Variants in LSAMP observed in about 807,000 individuals in gnomAD.
LSAMP encodes limbic system associated membrane protein, also known as limbic system-associated membrane protein.
Under a neutral mutation model 38.6 loss-of-function variants are expected in LSAMP, and 7 were observed. The ratio of observed to expected loss-of-function variants is 0.18; its 90% CI spans 0.10 to 0.34. The LOEUF (loss-of-function observed/expected upper bound fraction) is 0.34, where lower values mean the gene tolerates loss of function less well. LSAMP is among the 10% of genes least tolerant of loss of function. LSAMP has a pLI of 1.00. For missense variants in LSAMP, 313 were observed against 420.0 expected (o/e 0.75, Z 2.23); for synonymous variants, 154 against 166.8 (o/e 0.92, Z 0.59).
At chr3:116,312,908 G>T (rs2047576803) in intron 1 of LSAMP, among the ~76,000 whole-genome samples, 1 of 152,038 alleles carries the variant, frequency 6.6e-6, no homozygotes, top group Non-Finnish European at 1.5e-5. Context: ...CAAAATGCAT[G>T]CATTCCACTC....
chr3:116,147,477 T>C (rs1198088475), intron 1 of LSAMP, among the ~76,000 whole-genome samples: 1 of 151,982 alleles, frequency 6.6e-6, no homozygotes, highest in East Asian at 1.9e-4. Flanking sequence ...GTCAAGAAAG[T>C]ATAAGTTTAA....
At chr3:115,881,257 C>T (rs1576180362) in intron 3 of LSAMP, among the ~76,000 whole-genome samples, 1 of 152,030 alleles carries the variant, frequency 6.6e-6, no homozygotes, top group Admixed American at 6.6e-5. Context: ...ATAACCATTG[C>T]TCTTTGCCAG....
At chr3:116,019,734 A>C (rs1477843335) in intron 2 of LSAMP, 94 bp from the exon 3 acceptor site, 5 of 1,348,086 alleles carry the variant, frequency 3.7e-6, no homozygotes, top group Non-Finnish European at 5.2e-6. Context: ...AGGTTTTATA[A>C]CTTAATTTGA....
intron 3 of LSAMP, among the ~76,000 whole-genome samples, chr3:115,999,966 T>C (rs1289250536): frequency 6.6e-6 from 1 of 152,098 alleles, no homozygotes; most frequent in Non-Finnish European, 1.5e-5. Flanking sequence ...CAACTCAAAC[T>C]GGGCAGTGAT....
At chr3:115,812,709 T>C (rs916779466) in intron 6 of LSAMP, among the ~76,000 whole-genome samples, 1 of 152,142 alleles carries the variant, frequency 6.6e-6, no homozygotes, top group Non-Finnish European at 1.5e-5. Context: ...AGGCAGAAAA[T>C]ACTTGTGTTT....
intron 3 of LSAMP, among the ~76,000 whole-genome samples, chr3:115,930,002 G>GTTTTTTTT (rs1170325465): frequency 0.032 from 2,555 of 80,268 alleles, 602 homozygotes; most frequent in African/African-American, 0.056. Flanking sequence ...TTTAGCAGAA[G>GTTTTTTTT]TTTTTTTTTT....
chr3:115,927,692 G>A (rs1047758772), intron 3 of LSAMP, among the ~76,000 whole-genome samples: 1 of 152,082 alleles, frequency 6.6e-6, no homozygotes, highest in African/African-American at 2.4e-5. Context: ...AACATGCCGG[G>A]CATATGCTCA....
At chr3:115,850,621 C>G (rs9827051) in intron 4 of LSAMP, among the ~76,000 whole-genome samples, 32 of 152,286 alleles carry the variant, frequency 2.1e-4, no homozygotes, top group Admixed American at 3.3e-4. Context: ...TTTCAAAACT[C>G]TATTACTAAA....
chr3:115,844,702 C>T (rs1935100203), intron 4 of LSAMP, among the ~76,000 whole-genome samples: 1 of 152,134 alleles, frequency 6.6e-6, no homozygotes, highest in Non-Finnish European at 1.5e-5. Flanking sequence ...TGGGGCTGGG[C>T]ATGATGGCTC....
At chr3:116,126,456 T>C (rs1466959393) in intron 1 of LSAMP, among the ~76,000 whole-genome samples, 2 of 152,216 alleles carry the variant, frequency 1.3e-5, no homozygotes, top group African/African-American at 4.8e-5. Flanking sequence ...AAATTTACCA[T>C]GAATTATACC....
chr3:115,815,779 T>A (rs1933997773), intron 6 of LSAMP, among the ~76,000 whole-genome samples: 1 of 152,222 alleles, frequency 6.6e-6, no homozygotes, highest in African/African-American at 2.4e-5. Flanking sequence ...CAATATTTTA[T>A]GCCTTCTTGA....
intron 1 of LSAMP, among the ~76,000 whole-genome samples, chr3:116,181,677 A>G (rs1018464136): frequency 4.6e-5 from 7 of 152,014 alleles, no homozygotes; most frequent in African/African-American, 1.7e-4. Context: ...AAGCACTTTC[A>G]GACAAATTAT....
At chr3:116,098,444 A>G (rs1035364365) in intron 1 of LSAMP, among the ~76,000 whole-genome samples, 2 of 152,202 alleles carry the variant, frequency 1.3e-5, no homozygotes, top group African/African-American at 4.8e-5. Flanking sequence ...GGTTGCAGTA[A>G]GCCAAGATTG....
At chr3:116,307,995 G>C (rs1687341137) in intron 1 of LSAMP, among the ~76,000 whole-genome samples, 1 of 151,830 alleles carries the variant, frequency 6.6e-6, no homozygotes, top group South Asian at 2.1e-4. Context: ...GTGTTGTTAT[G>C]AGAATAAAGA....
intron 3 of LSAMP, among the ~76,000 whole-genome samples, chr3:115,876,232 T>C (rs1459984676): frequency 6.6e-6 from 1 of 150,944 alleles, no homozygotes; most frequent in African/African-American, 2.4e-5. Flanking sequence ...TCATTCACTT[T>C]TGCTAAAAGA....
intron 3 of LSAMP, among the ~76,000 whole-genome samples, chr3:115,982,183 G>A (rs934803689): frequency 6.6e-6 from 1 of 152,134 alleles, no homozygotes; most frequent in Admixed American, 6.5e-5. Flanking sequence ...TTTCATAAGC[G>A]GTTATTGATG....
At chr3:116,106,900 T>C (rs1222307188) in intron 1 of LSAMP, among the ~76,000 whole-genome samples, 1 of 151,992 alleles carries the variant, frequency 6.6e-6, no homozygotes, top group Non-Finnish European at 1.5e-5. Context: ...TGAATAATCC[T>C]TGAGGAGTAG....
intron 1 of LSAMP, among the ~76,000 whole-genome samples, chr3:116,100,206 T>C (rs9866484): frequency 0.25 from 38,514 of 151,522 alleles, 6,005 homozygotes; most frequent in African/African-American, 0.44. Flanking sequence ...CTCAGTCTCC[T>C]GAGTAGCTGG....
chr3:115,861,611 ATG>A (rs1935704851), intron 3 of LSAMP, among the ~76,000 whole-genome samples: 1 of 152,186 alleles, frequency 6.6e-6, no homozygotes, highest in Non-Finnish European at 1.5e-5. Context: ...GTATGAAGAA[ATG>A]TATTCTAAAT....
Sources: gnomAD v4.1 joint callset for allele counts (sites outside exome capture counted in the v4.1 genomes callset) on GRCh38, gnomAD v4.1.1 for gene constraint, MANE v1.5 for transcripts, NCBI Gene and HGNC (gene_info 2026-07-23, HGNC 2026-07-21) for gene names.